APOLD1: variants seen among roughly 807,000 people sequenced by gnomAD.
APOLD1 encodes the protein apolipoprotein L domain-containing protein 1.
Under a neutral mutation model 15.3 loss-of-function variants are expected in APOLD1, and 22 were observed. The ratio of observed to expected loss-of-function variants is 1.44; its 90% CI spans 1.03 to 2.05. The LOEUF is 2.05. APOLD1 is among the 30% of genes most tolerant of loss of function. APOLD1 has a pLI of 0.00. For missense variants in APOLD1, 394 were observed against 353.5 expected, an observed-to-expected ratio of 1.11 and a Z score of -0.92; for synonymous variants, 190 against 167.4, an observed-to-expected ratio of 1.13 and a Z score of -1.04.
At chr12:12,729,131 C>A (rs907053339) in intron 1 of APOLD1, among the ~76,000 whole-genome samples, 2 of 151,990 alleles carry the variant, frequency 1.3e-5, no homozygotes, top group African/African-American at 4.8e-5. Flanking sequence ...TCCCTTTACT[C>A]CTTTTTTTCC....
upstream of APOLD1, among the ~76,000 whole-genome samples, chr12:12,782,115 T>G (rs1411127437): frequency 6.6e-6 from 1 of 151,840 alleles, no homozygotes; most frequent in East Asian, 2.0e-4. Context: ...AAAAATTAGC[T>G]GGGCATGGTG....
chr12:12,726,365 G>T (rs769509259), intron 1 of APOLD1: 3 of 548,236 alleles, frequency 5.5e-6, no homozygotes, highest in Admixed American at 2.6e-5. Context: ...AAGTGCCTTT[G>T]ATTTCTGGGT....
intron 1 of APOLD1, 47 bp downstream of exon 1, chr12:12,785,741 T>C: frequency 6.3e-7 from 1 of 1,575,640 alleles, no homozygotes; most frequent in South Asian, 1.1e-5. Context: ...CTTTTTCTCA[T>C]TTTCTCTTTT....
intron 1 of APOLD1, among the ~76,000 whole-genome samples, chr12:12,755,395 G>T (rs1946850273): frequency 6.6e-6 from 1 of 152,088 alleles, no homozygotes; most frequent in Admixed American, 6.6e-5. Flanking sequence ...AAACCGTAAA[G>T]GAAAAGATTG....
At position 12,787,431 on chromosome 12, in the gene APOLD1, C is replaced by T. The variant is rs1253145424; in HGVS notation, c.526C>T (p.Arg176Cys). The T allele has an allele frequency of 2.5e-6, 4 of 1,614,220 alleles. No homozygotes were observed. Among genetic ancestry groups the T allele is most frequent in the Admixed American group, 1.7e-5 (1 of 60,026 alleles). Reference protein sequence around the residue: ...SVYFIVFFGSRGFLIPRRAEG... With the variant: ...SVYFIVFFGSCGFLIPRRAEG... Reference sequence around the variant, plus strand: ...CTACTTCATCGTCTTCTTTGGCTCACGTGGCTTCCTCATCCCCAGGCGGGC... The same window carrying T: ...CTACTTCATCGTCTTCTTTGGCTCATGTGGCTTCCTCATCCCCAGGCGGGC... Residue 176 changes from arginine to cysteine, a missense_variant, in exon 2 of 2, where the codon CGT (arginine) becomes TGT (cysteine). Physicochemically the swap from Arg to Cys is radical, Grantham distance 180. Transcript: ENST00000356591. The surrounding 1 kb of genome is among the most constrained non-coding windows in gnomAD (Gnocchi z 4.9).
intron 1 of APOLD1, among the ~76,000 whole-genome samples, chr12:12,746,281 A>G (rs935370252): frequency 3.3e-5 from 5 of 152,224 alleles, no homozygotes; most frequent in African/African-American, 4.8e-5. Flanking sequence ...GGGTCACCTG[A>G]GGTCAGGAGT....
At chr12:12,754,206 A>AAAAAAAAAAAAAAT (rs1212563885) in intron 1 of APOLD1, among the ~76,000 whole-genome samples, 2 of 149,622 alleles carry the variant, frequency 1.3e-5, no homozygotes, top group East Asian at 3.9e-4. Flanking sequence ...CTGTCTCAAA[A>AAAAAAAAAAAAAAT]AAAAAAGGAA....
chr12:12,762,548 T>C (rs1195565063), intron 1 of APOLD1, among the ~76,000 whole-genome samples: 1 of 151,848 alleles, frequency 6.6e-6, no homozygotes, highest in African/African-American at 2.4e-5. Context: ...AGAGATGGGG[T>C]TTCACCATGT....
At chr12:12,745,214 T>TGAGGA (rs1020731420) in intron 1 of APOLD1, among the ~76,000 whole-genome samples, 1 of 151,934 alleles carries the variant, frequency 6.6e-6, no homozygotes, top group African/African-American at 2.4e-5. Context: ...CAACACAAAA[T>TGAGGA]GAGGAGATAT....
upstream of APOLD1, among the ~76,000 whole-genome samples, chr12:12,783,467 C>A (rs1185827186): frequency 6.6e-6 from 1 of 151,264 alleles, no homozygotes; most frequent in Non-Finnish European, 1.5e-5. Flanking sequence ...CACGCCACCA[C>A]ACACAGCTGT....
chr12:12,778,856 G>A (rs1220146851), intron 1 of APOLD1, among the ~76,000 whole-genome samples: 3 of 152,090 alleles, frequency 2.0e-5, no homozygotes, highest in Non-Finnish European at 4.4e-5. Context: ...CTTTAGTTGT[G>A]TACCTCTGAG....
chr12:12,752,787 G>A (rs914104491), intron 1 of APOLD1, among the ~76,000 whole-genome samples: 5 of 152,172 alleles, frequency 3.3e-5, no homozygotes, highest in Non-Finnish European at 7.3e-5. Context: ...GCCCCAAAGT[G>A]GTGGATAGCA....
At chr12:12,764,657 C>A in intron 1 of APOLD1, 1 of 479,222 alleles carries the variant, frequency 2.1e-6, no homozygotes, top group Non-Finnish European at 4.3e-6. Flanking sequence ...TCGGTGAGTG[C>A]GTTTCCAAGT....
At position 12,737,717 on chromosome 12, in the gene APOLD1, T is replaced by A. The variant is rs138067679; in HGVS notation, c.96+11621T>A. On this transcript the variant is annotated intron_variant, in intron 1 of 1. Transcript: ENST00000326765. Reference sequence around the variant, plus strand: ...CGCTTATCTTTGGCATATCCTCAGCTGAGGATCCAAGCTGGGGGGCCCAGG... The same window carrying A: ...CGCTTATCTTTGGCATATCCTCAGCAGAGGATCCAAGCTGGGGGGCCCAGG... Among the ~76,000 whole-genome samples, 3 of 152,284 alleles carry A rather than the reference T, an allele frequency of 2.0e-5. No homozygotes were observed. The East Asian group carries it at 5.8e-4, about 29-fold the overall frequency.
At chr12:12,753,591 C>T (rs1219893908) in intron 1 of APOLD1, among the ~76,000 whole-genome samples, 2 of 151,518 alleles carry the variant, frequency 1.3e-5, no homozygotes, top group African/African-American at 4.9e-5. Flanking sequence ...ATCGTTTGAG[C>T]CCAGGAGGTC....
intron 1 of APOLD1, among the ~76,000 whole-genome samples, chr12:12,749,887 C>T (rs1946796461): frequency 6.6e-6 from 1 of 152,126 alleles, no homozygotes; most frequent in African/African-American, 2.4e-5. Context: ...TTGTTCAAAA[C>T]GCCAAGAACT....
chr12:12,777,889 G>GTTTTTTTTTTTTTTTTTTTTTTT (rs71436735), intron 1 of APOLD1, among the ~76,000 whole-genome samples: 1 of 117,064 alleles, frequency 8.5e-6, no homozygotes, highest in Non-Finnish European at 1.7e-5. Flanking sequence ...AAGGAAAGGT[G>GTTTTTTTTTTTTTTTTTTTTTTT]TTTTTTTTTT....
Position 12,787,682 on chromosome 12 carries a change from C to T in APOLD1, c.*30C>T, listed in dbSNP as rs375361983. On this transcript the variant is annotated 3_prime_UTR_variant, in exon 2 of 2. Coordinates refer to ENST00000356591, the MANE Select transcript of APOLD1 (RefSeq NM_030817.3). This position sits in a 1 kb window ranked among gnomAD's most constrained non-coding sequence, Gnocchi z 4.9. ...ATCCTTTCCCCCTAATGACCGAGGC[C>T]AGCAAATCATCCTCATGGGATGCTC... 1.4e-4 allele frequency: 220 copies of T among 1,548,164 alleles called. 2 individuals carry two copies. The South Asian group carries it at 1.4e-3, about 10-fold the overall frequency.
At chr12:12,739,253 A>C (rs1000525311) in intron 1 of APOLD1, among the ~76,000 whole-genome samples, 3 of 152,214 alleles carry the variant, frequency 2.0e-5, no homozygotes, top group Non-Finnish European at 2.9e-5. Context: ...TGGTTATTTA[A>C]ATATGTGGTT....
Sources: allele counts gnomAD v4.1 joint callset (sites outside exome capture counted in the v4.1 genomes callset), GRCh38; gene constraint gnomAD v4.1.1; non-coding constraint Gnocchi (gnomAD v3.1); transcripts MANE v1.5; gene names NCBI Gene and HGNC (gene_info 2026-07-23, HGNC 2026-07-21).